DDX6: variants seen among roughly 807,000 people sequenced by gnomAD.
DDX6 encodes the protein DEAD-box helicase 6, also known as probable ATP-dependent RNA helicase DDX6.
DDX6 carries 7 observed loss-of-function variants against 60.6 expected under a neutral mutation model. The observed-to-expected ratio is 0.12, with a 90% confidence interval of 0.07 to 0.22. DDX6 has a LOEUF of 0.22. Ranked by LOEUF, DDX6 falls within the 10% of genes least tolerant of loss-of-function variation. The pLI is 1.00. For synonymous variants in DDX6, 207 were observed against 201.0 expected, an observed-to-expected ratio of 1.03 and a Z score of -0.25; for missense variants, 270 against 589.9, an observed-to-expected ratio of 0.46 and a Z score of 5.62.
Position 118,757,158 on chromosome 11 carries a change from G to C in DDX6, c.1110+13C>G. ...TCTTATTAAATTTGTGCAAGTTCTA[G>C]TTTTATACTCACCTGCCTCATTTTA... On this transcript the variant is annotated intron_variant, in intron 10 of 13. Coordinates refer to ENST00000534980, the MANE Select transcript of DDX6 (RefSeq NM_004397.6). 1 of 1,372,240 alleles carries C rather than the reference G, an allele frequency of 7.3e-7. No individual in the cohort carries two copies. Among genetic ancestry groups the C allele is most frequent in the Non-Finnish European group, 9.9e-7 (1 of 1,006,072 alleles). The allele number at this position is 1,372,240 out of a possible 1,614,324, so 85.0% of individuals were successfully genotyped here.
chr11:118,754,049 G>A (rs1317863910), intron 13 of DDX6, among the ~76,000 whole-genome samples: 3 of 152,162 alleles, frequency 2.0e-5, no homozygotes, highest in African/African-American at 7.2e-5. Flanking sequence ...AGTGGGCCGT[G>A]ATTGTGCCAC....
chr11:118,765,318 C>T lies in DDX6; in HGVS notation c.537G>A (p.Gln179=). The T allele has an allele frequency of 2.5e-6, 4 of 1,613,814 alleles. No individual in the cohort carries two copies. Among genetic ancestry groups the T allele is most frequent in the Non-Finnish European group, 3.4e-6 (4 of 1,179,892 alleles). ...VIVPTRELAL[Q]VSQICIQVSK... ...TGACCTGGATGCAAATTTGACTGAC[C>T]TGTAGAGCAAGTTCTCTAGTGGGAA... The change falls in exon 6 of 14, where the codon CAG becomes CAA. Residue 179 remains glutamine, a synonymous_variant. Coordinates refer to ENST00000534980, the MANE Select transcript of DDX6 (RefSeq NM_004397.6).
chr11:118,752,996 C>T lies in DDX6; in HGVS notation c.*8-899G>A, dbSNP rs151066022. Reference sequence around the variant, plus strand: ...GTGGGTATTTTATTTATGTATTTGACGGAGTTTCACTCTTATTACCTAGGA... The same window carrying T: ...GTGGGTATTTTATTTATGTATTTGATGGAGTTTCACTCTTATTACCTAGGA... On this transcript the variant is annotated intron_variant, in intron 13 of 13. Coordinates refer to ENST00000534980, the MANE Select transcript of DDX6 (RefSeq NM_004397.6). 7.5e-3 allele frequency among the ~76,000 whole-genome samples: 1,147 copies of T among 152,182 alleles called. 66 individuals are homozygous for T. The East Asian group carries it at 0.14, about 18-fold the overall frequency.
rs1419939602 is a variant in DDX6, at chr11:118,756,342, T to C, written c.1111-19A>G. ...GATGTTCCTAGGAGAAAGCAATGTA[T>C]TCCATTTGATTAACACTCATATACA... On this transcript the variant is annotated intron_variant, in intron 10 of 13. Coordinates refer to ENST00000534980, the MANE Select transcript of DDX6 (RefSeq NM_004397.6). 2 of 1,598,680 alleles carry C rather than the reference T, an allele frequency of 1.3e-6. No individual in the cohort carries two copies. The highest frequency in any genetic ancestry group is 1.7e-5 in the Admixed American group (1 of 59,964).
At chr11:118,767,626 C>CTTTTTTTTTTTTTTTTTT in intron 5 of DDX6, 1 of 88,722 alleles carries the variant, frequency 1.1e-5, no homozygotes. Context: ...CCTCAGCCGC[C>CTTTTTTTTTTTTTTTTTT]TTTTTTTTTT....
intron 11 of DDX6, 98 bp downstream of exon 11, chr11:118,756,162 C>A: frequency 1.2e-6 from 1 of 866,198 alleles, no homozygotes; most frequent in Non-Finnish European, 1.9e-6. Flanking sequence ...TAGGGTGTGT[C>A]GGACTATGTC....
chr11:118,769,449 T>C (rs73001495), intron 4 of DDX6, among the ~76,000 whole-genome samples: 278 of 152,344 alleles, frequency 1.8e-3, no homozygotes, highest in Non-Finnish European at 2.8e-3. Context: ...TTTGGCTTAC[T>C]TTGTTATCTA....
chr11:118,752,624 G>C (rs1860815021), intron 13 of DDX6, among the ~76,000 whole-genome samples: 1 of 151,648 alleles, frequency 6.6e-6, no homozygotes, highest in African/African-American at 2.4e-5. Context: ...AAAAGAAAGA[G>C]AAAAAAAATT....
chr11:118,755,512 A>G lies in DDX6; in HGVS notation c.1175-9T>C, dbSNP rs782419820. ...ACCTCGGGTAAACAGATCTTAAAAA[A>G]AAAAAGATAATTTTCATTTTTTCAA... On this transcript the variant is annotated splice_polypyrimidine_tract_variant and intron_variant, in intron 11 of 13. Coordinates refer to ENST00000534980, the MANE Select transcript of DDX6 (RefSeq NM_004397.6). The G allele has an allele frequency of 6.8e-7, 1 of 1,471,916 alleles. No individual in the cohort carries two copies. Among genetic ancestry groups the G allele is most frequent in the Non-Finnish European group, 9.5e-7 (1 of 1,057,868 alleles). 91.2% of individuals were successfully genotyped at this position (1,471,916 alleles called of 1,614,324 possible).
intron 10 of DDX6, 65 bp from the exon 11 acceptor site, chr11:118,756,388 A>C: frequency 4.6e-6 from 6 of 1,303,034 alleles, no homozygotes; most frequent in Non-Finnish European, 5.5e-6. Context: ...TCCCATAATT[A>C]TTTCTCCCAG....
At position 118,752,109 on chromosome 11, in the gene DDX6, G is replaced by A. The variant is rs1555157584; in HGVS notation, c.*8-12C>T. 9.0e-6 allele frequency: 2 copies of A among 221,782 alleles called. No individual in the cohort carries two copies. The highest frequency in any genetic ancestry group is 2.4e-5 in the African/African-American group (1 of 42,510). The allele number at this position is 221,782 out of a possible 1,614,324, so 13.7% of individuals were successfully genotyped here. On this transcript the variant is annotated splice_polypyrimidine_tract_variant and intron_variant, in intron 13 of 13. Coordinates refer to ENST00000534980, the MANE Select transcript of DDX6 (RefSeq NM_004397.6). The stretch of plus-strand genomic sequence containing the variant: ...TAATTTGTCAAAGCCTACAGAAGAA[G>A]AGAATACAAAATTAACATTCTGAAA...
chr11:118,776,539 A>C (rs142119863), intron 4 of DDX6, among the ~76,000 whole-genome samples: 1 of 152,196 alleles, frequency 6.6e-6, no homozygotes, highest in Non-Finnish European at 1.5e-5. Context: ...AGGAACTCTC[A>C]TAAGACCTCA....
Position 118,779,795 on chromosome 11 carries a change from C to T in DDX6, c.265-59G>A, listed in dbSNP as rs1861827202. 7 of 1,305,960 alleles carry T rather than the reference C, an allele frequency of 5.4e-6. No individual in the cohort carries two copies. In the South Asian group the frequency reaches 7.9e-5, roughly 15 times the overall value. 80.9% of individuals were successfully genotyped at this position (1,305,960 alleles called of 1,614,324 possible). A position where few individuals can be genotyped will look rare whatever the true frequency, so the allele number is the denominator to read the frequency against. ...ATAACACTGTTGGTAAATTTGGTGT[C>T]CTTTGGTAAATTTATCTGTGTTTAA... is the stretch of plus-strand genomic sequence containing the variant. On this transcript the variant is annotated intron_variant, in intron 3 of 13. Coordinates refer to ENST00000534980, the MANE Select transcript of DDX6 (RefSeq NM_004397.6).
chr11:118,767,390 TA>T lies in DDX6; in HGVS notation c.499+832del, dbSNP rs538386374. ...AAAGATAATTACAGATCACGAAAGC[TA>T]AAAATGTAAAGTTTCAGAGATGAAA... On this transcript the variant is annotated intron_variant, in intron 5 of 13. Transcript: ENST00000534980. Among the ~76,000 whole-genome samples, 586 of 152,310 alleles carry T rather than the reference TA, an allele frequency of 3.8e-3. 3 individuals are homozygous for T. The highest frequency in any genetic ancestry group is 6.5e-3 in the Non-Finnish European group (444 of 68,016).
chr11:118,775,081 G>C (rs976121460), intron 4 of DDX6, among the ~76,000 whole-genome samples: 7 of 152,148 alleles, frequency 4.6e-5, no homozygotes, highest in Non-Finnish European at 7.4e-5. Flanking sequence ...TTGGGAGGCC[G>C]AGGAGAGTGG....
chr11:118,766,213 G>T (rs1555161260), intron 5 of DDX6, among the ~76,000 whole-genome samples: 1 of 151,856 alleles, frequency 6.6e-6, no homozygotes, highest in East Asian at 1.9e-4. Context: ...GATCGTTTGA[G>T]CTCAGGAGTT....
intron 7 of DDX6, among the ~76,000 whole-genome samples, 155 bp from the exon 8 acceptor site, chr11:118,760,199 C>CA (rs1281741536): frequency 1.3e-5 from 2 of 152,066 alleles, no homozygotes; most frequent in Non-Finnish European, 2.9e-5. Context: ...TGCAGAGAGT[C>CA]AAATATGCAG....
chr11:118,760,100 G>A lies in DDX6; in HGVS notation c.742-56C>T, dbSNP rs1437462887. 7.3e-6 allele frequency: 11 copies of A among 1,508,594 alleles called. No homozygotes were observed. In the Admixed American group the frequency reaches 1.8e-4, roughly 25 times the overall value. The allele number at this position is 1,508,594 out of a possible 1,614,324, so 93.5% of individuals were successfully genotyped here. ...ACAATAAAATAATGTCTAAGGTCTT[G>A]GTTAATACATGGTCAAAGAATAAGG... On this transcript the variant is annotated intron_variant, in intron 7 of 13. Transcript: ENST00000534980.
intron 2 of DDX6, among the ~76,000 whole-genome samples, chr11:118,781,855 G>T (rs1861911115): frequency 3.9e-5 from 6 of 152,008 alleles, no homozygotes; most frequent in Admixed American, 3.3e-4. Flanking sequence ...TTGAACCTGG[G>T]AGGCGGACAC....
Sources: gnomAD v4.1 joint callset for allele counts (sites outside exome capture counted in the v4.1 genomes callset) on GRCh38, gnomAD v4.1.1 for gene constraint, MANE v1.5 for transcripts, NCBI Gene and HGNC (gene_info 2026-07-23, HGNC 2026-07-21) for gene names.